The following CDH13 variants were observed in gnomAD, a reference collection of about 807,000 sequenced individuals.
CDH13 encodes cadherin-13.
CDH13 carries 24 observed loss-of-function variants against 63.8 expected under a neutral mutation model. The observed-to-expected ratio is 0.38, with a 90% CI of 0.27 to 0.53. The LOEUF is 0.53. Ranked by LOEUF, CDH13 falls within the 20% of genes least tolerant of loss-of-function variation. The probability of loss-of-function intolerance (pLI) is 0.85; values close to 1 mark genes in which losing one functional copy is unlikely to be tolerated. For missense variants in CDH13, 1,049 were observed against 903.1 expected, an observed-to-expected ratio of 1.16 and a Z score of -2.07; for synonymous variants, 503 against 355.3, an observed-to-expected ratio of 1.42 and a Z score of -4.67.
intron 8 of CDH13, among the ~76,000 whole-genome samples, chr16:83,605,857 A>G (rs1908280319): frequency 6.6e-6 from 1 of 152,206 alleles, no homozygotes; most frequent in South Asian, 2.1e-4. Flanking sequence ...TTCAAAATAC[A>G]TGGTTAGGAC....
chr16:83,062,741 G>A (rs913222878), intron 3 of CDH13, among the ~76,000 whole-genome samples: 2 of 152,140 alleles, frequency 1.3e-5, no homozygotes, highest in African/African-American at 4.8e-5. Context: ...ATTCTATGTG[G>A]TCATGTTTCT....
intron 8 of CDH13, among the ~76,000 whole-genome samples, chr16:83,615,468 C>T (rs975821994): frequency 6.6e-6 from 1 of 152,120 alleles, no homozygotes; most frequent in Non-Finnish European, 1.5e-5. Flanking sequence ...TAGACTCCCT[C>T]TTCCTATGAG....
chr16:82,952,682 T>C (rs1219563685), intron 2 of CDH13, among the ~76,000 whole-genome samples: 2 of 152,210 alleles, frequency 1.3e-5, no homozygotes, highest in East Asian at 1.9e-4. Context: ...AACTTTTTGG[T>C]ATTTATTTTA....
At chr16:83,037,470 G>A (rs900749673) in intron 3 of CDH13, among the ~76,000 whole-genome samples, 15 of 152,188 alleles carry the variant, frequency 9.9e-5, no homozygotes, top group Admixed American at 9.2e-4. Flanking sequence ...GGGAGCAATG[G>A]AGGGAAACCA....
At chr16:82,637,526 G>A (rs12930379) in intron 1 of CDH13, 5,479 of 143,316 alleles carry the variant, frequency 0.038, 217 homozygotes, top group East Asian at 0.24. Context: ...CGCCTCCCGG[G>A]TTCACGCCGT....
At chr16:83,494,855 A>G (rs977658480) in intron 7 of CDH13, among the ~76,000 whole-genome samples, 2 of 152,180 alleles carry the variant, frequency 1.3e-5, no homozygotes, top group Non-Finnish European at 2.9e-5. Context: ...TGATCGTATT[A>G]TTTAGTTGAA....
chr16:82,713,209 G>T (rs2032090874), intron 1 of CDH13, among the ~76,000 whole-genome samples: 1 of 152,142 alleles, frequency 6.6e-6, no homozygotes, highest in Admixed American at 6.5e-5. Context: ...TAAACCTGCA[G>T]TTTCTCCAGC....
intron 7 of CDH13, among the ~76,000 whole-genome samples, chr16:83,545,743 C>T (rs532258713): frequency 3.3e-5 from 5 of 152,294 alleles, no homozygotes; most frequent in African/African-American, 1.2e-4. Context: ...CAAGCAAGCC[C>T]TCCTCATCTG....
intron 3 of CDH13, among the ~76,000 whole-genome samples, chr16:83,059,984 C>A (rs185530140): frequency 2.4e-4 from 37 of 151,746 alleles, no homozygotes; most frequent in African/African-American, 8.4e-4. Context: ...AGAGTAGAGA[C>A]GGGGTTTCAC....
chr16:82,973,391 C>G (rs779084617), intron 2 of CDH13, among the ~76,000 whole-genome samples: 14 of 152,204 alleles, frequency 9.2e-5, no homozygotes, highest in Middle Eastern at 3.2e-3. Context: ...AGAAATTTTT[C>G]TAAGTGTCAG....
chr16:83,094,554 G>A lies in CDH13; in HGVS notation c.367-30831G>A, dbSNP rs557196405. ...TGAATGTAGGCTCATTTCAGGAAGG[G>A]AGTATAATCTTGGGAGAGGTGCTGT... is the stretch of plus-strand genomic sequence containing the variant. On this transcript the variant is annotated intron_variant, in intron 3 of 13. Coordinates refer to ENST00000567109, the MANE Select transcript of CDH13 (RefSeq NM_001257.5). Among the ~76,000 whole-genome samples, 45 of 152,260 alleles carry A rather than the reference G, an allele frequency of 3.0e-4. No homozygotes were observed. In the East Asian group the frequency reaches 8.7e-3, roughly 29 times the overall value.
intron 2 of CDH13, among the ~76,000 whole-genome samples, chr16:82,981,882 A>G (rs76943439): frequency 0.019 from 2,837 of 152,222 alleles, 37 homozygotes; most frequent in South Asian, 0.025. Flanking sequence ...TGCAGCTTCG[A>G]ACACTGTTGA....
chr16:82,681,697 G>A (rs1438896499), intron 1 of CDH13, among the ~76,000 whole-genome samples: 3 of 152,150 alleles, frequency 2.0e-5, no homozygotes, highest in Non-Finnish European at 4.4e-5. Context: ...AGTAGCCAGC[G>A]CCTGCCTGTG....
chr16:83,602,107 CAAAAA>C (rs869202510), intron 7 of CDH13, among the ~76,000 whole-genome samples: 76 of 7,912 alleles, frequency 9.6e-3, no homozygotes, highest in Admixed American at 0.055. Flanking sequence ...AGAACAACAA[CAAAAA>C]AAAAAAAAAA....
At chr16:82,853,680 A>T (rs962759970) in intron 1 of CDH13, among the ~76,000 whole-genome samples, 1 of 152,200 alleles carries the variant, frequency 6.6e-6, no homozygotes, top group African/African-American at 2.4e-5. Flanking sequence ...ATTTTTAGAT[A>T]ATAGAAATCT....
intron 7 of CDH13, among the ~76,000 whole-genome samples, chr16:83,553,018 GCAGT>G (rs1326320806): frequency 6.6e-6 from 1 of 151,254 alleles, no homozygotes; most frequent in Non-Finnish European, 1.5e-5. Context: ...GGCAGAGGTT[GCAGT>G]GAGCTGAGAT....
At chr16:83,293,543 C>T (rs924753013) in intron 5 of CDH13, among the ~76,000 whole-genome samples, 1 of 152,234 alleles carries the variant, frequency 6.6e-6, no homozygotes, top group South Asian at 2.1e-4. Context: ...GACTCAGAAG[C>T]TTGATTTGGT....
chr16:83,400,222 A>G (rs533001759), intron 6 of CDH13, among the ~76,000 whole-genome samples: 6 of 152,292 alleles, frequency 3.9e-5, no homozygotes, highest in Admixed American at 2.6e-4. Context: ...TGACTTTTAA[A>G]GAAATCGATC....
At chr16:82,858,722 A>C (rs1237963895) in intron 2 of CDH13, 5 of 588,674 alleles carry the variant, frequency 8.5e-6, no homozygotes, top group Non-Finnish European at 3.0e-6. Flanking sequence ...CTGTCAGAAA[A>C]GGGGGCTGTC....
Sources: gnomAD v4.1 joint callset for allele counts (sites outside exome capture counted in the v4.1 genomes callset) on GRCh38, gnomAD v4.1.1 for gene constraint, MANE v1.5 for transcripts, NCBI Gene and HGNC (gene_info 2026-07-23, HGNC 2026-07-21) for gene names.